Variants in CNTNAP2 observed in about 807,000 individuals in gnomAD.
CNTNAP2 encodes contactin-associated protein-like 2.
CNTNAP2 carries 98 observed loss-of-function variants against 155.2 expected under a neutral mutation model. The observed-to-expected ratio is 0.63, with a 90% CI of 0.54 to 0.75. The LOEUF (loss-of-function observed/expected upper bound fraction) is 0.75. CNTNAP2 is among the 30% of genes least tolerant of loss of function. CNTNAP2 has a pLI of 0.00. For missense variants in CNTNAP2, 1,727 were observed against 1,688.1 expected, an observed-to-expected ratio of 1.02 and a Z score of -0.40; for synonymous variants, 651 against 631.2, an observed-to-expected ratio of 1.03 and a Z score of -0.47.
rs765367717 is a variant in CNTNAP2 at position 148,394,705 on chromosome 7, A to G, written c.3715+10817A>G. ...TGCTTAGAATCACCTGGGGGAAATT[A>G]GCAAATGCAGATTCAGCTGGTCAAA... On this transcript the variant is annotated intron_variant, in intron 22 of 23. Transcript: ENST00000361727. 3.2e-4 allele frequency among the ~76,000 whole-genome samples: 48 copies of G among 152,254 alleles called. 1 individual carries two copies. The highest frequency in any genetic ancestry group is 2.7e-3 in the Admixed American group (42 of 15,286).
chr7:147,747,933 C>T (rs1797071243), intron 13 of CNTNAP2, among the ~76,000 whole-genome samples: 1 of 152,220 alleles, frequency 6.6e-6, no homozygotes, highest in Non-Finnish European at 1.5e-5. Context: ...GCTTATCTTG[C>T]ACTGTGTGAC....
intron 1 of CNTNAP2, among the ~76,000 whole-genome samples, chr7:146,753,274 A>C (rs1382813257): frequency 2.6e-5 from 4 of 152,094 alleles, no homozygotes; most frequent in Non-Finnish European, 4.4e-5. Flanking sequence ...AGGAAAAAAA[A>C]TAGACCAGGT....
At chr7:148,155,491 T>C (rs978323710) in intron 17 of CNTNAP2, among the ~76,000 whole-genome samples, 6 of 152,302 alleles carry the variant, frequency 3.9e-5, no homozygotes, top group Middle Eastern at 3.4e-3. Flanking sequence ...ATAGGGTGTC[T>C]GTGTTTGCTG....
At chr7:147,138,764 A>G (rs1801539504) in intron 8 of CNTNAP2, among the ~76,000 whole-genome samples, 1 of 152,046 alleles carries the variant, frequency 6.6e-6, no homozygotes, top group Non-Finnish European at 1.5e-5. Flanking sequence ...AGTTTCTACA[A>G]TATTTTTGAG....
intron 1 of CNTNAP2, among the ~76,000 whole-genome samples, chr7:146,633,758 A>T (rs1242308250): frequency 7.0e-6 from 1 of 143,596 alleles, no homozygotes; most frequent in African/African-American, 2.6e-5. Flanking sequence ...TGAACCCGGG[A>T]GACGGAGTCT....
intron 3 of CNTNAP2, among the ~76,000 whole-genome samples, chr7:146,840,669 T>C (rs11984177): frequency 0.043 from 6,556 of 152,200 alleles, 462 homozygotes; most frequent in African/African-American, 0.15. Flanking sequence ...AGGAAAGGGT[T>C]CACTTTTAAA....
At chr7:146,711,503 C>T (rs989249474) in intron 1 of CNTNAP2, among the ~76,000 whole-genome samples, 14 of 148,498 alleles carry the variant, frequency 9.4e-5, no homozygotes, top group African/African-American at 2.9e-4. Context: ...TCCACTGTTA[C>T]CATGTGCCTG....
chr7:147,355,354 C>T (rs529118199), intron 9 of CNTNAP2, among the ~76,000 whole-genome samples: 4 of 151,912 alleles, frequency 2.6e-5, no homozygotes, highest in South Asian at 4.2e-4. Flanking sequence ...CATCTAGAAT[C>T]GGTATCCTAA....
chr7:147,716,255 A>G (rs993571636), intron 13 of CNTNAP2, among the ~76,000 whole-genome samples: 2 of 152,150 alleles, frequency 1.3e-5, no homozygotes, highest in Admixed American at 1.3e-4. Context: ...GATATCGAGG[A>G]TGCAGACACA....
intron 3 of CNTNAP2, among the ~76,000 whole-genome samples, chr7:147,041,405 A>G (rs780057994): frequency 3.3e-5 from 5 of 152,198 alleles, no homozygotes; most frequent in Non-Finnish European, 5.9e-5. Context: ...GAGGCTACCC[A>G]TACAAAGCAA....
At chr7:148,210,853 C>T (rs1022441033) in intron 18 of CNTNAP2, among the ~76,000 whole-genome samples, 7 of 152,222 alleles carry the variant, frequency 4.6e-5, no homozygotes, top group African/African-American at 1.7e-4. Context: ...ATAAAAAATT[C>T]AGCAAGGAAA....
chr7:147,365,383 G>GAAAAAAAAAAAAAAAAAAAAAA (rs10557373), intron 9 of CNTNAP2, among the ~76,000 whole-genome samples: 1 of 93,652 alleles, frequency 1.1e-5, no homozygotes, highest in Non-Finnish European at 2.0e-5. Flanking sequence ...ATCTCAAAAA[G>GAAAAAAAAAAAAAAAAAAAAAA]AAAAAAAAAA....
intron 1 of CNTNAP2, among the ~76,000 whole-genome samples, chr7:146,307,505 A>T (rs568325202): frequency 6.6e-6 from 1 of 152,210 alleles, no homozygotes; most frequent in Non-Finnish European, 1.5e-5. Flanking sequence ...GAACCAAAAA[A>T]GAGTCAGCAT....
intron 1 of CNTNAP2, among the ~76,000 whole-genome samples, chr7:146,273,224 A>C (rs1191100970): frequency 2.0e-5 from 3 of 152,070 alleles, no homozygotes; most frequent in Non-Finnish European, 2.9e-5. Context: ...CAAAAAAAAA[A>C]AACAACAAAA....
At chr7:148,335,628 T>C (rs567930045) in intron 21 of CNTNAP2, among the ~76,000 whole-genome samples, 1 of 152,306 alleles carries the variant, frequency 6.6e-6, no homozygotes, top group Admixed American at 6.5e-5. Flanking sequence ...AGAACTGAAA[T>C]GTGATGGCTG....
At chr7:148,386,023 G>T (rs1799186289) in intron 22 of CNTNAP2, among the ~76,000 whole-genome samples, 1 of 152,020 alleles carries the variant, frequency 6.6e-6, no homozygotes, top group African/African-American at 2.4e-5. Flanking sequence ...AGGATTACAG[G>T]ATTCTTTTGA....
intron 1 of CNTNAP2, among the ~76,000 whole-genome samples, chr7:146,726,736 T>C (rs1407145450): frequency 6.6e-6 from 1 of 152,114 alleles, no homozygotes; most frequent in Non-Finnish European, 1.5e-5. Flanking sequence ...TAAAGAGTAG[T>C]CTTGGATTGT....
intron 3 of CNTNAP2, among the ~76,000 whole-genome samples, chr7:146,952,034 A>G (rs1320545163): frequency 6.6e-6 from 1 of 152,136 alleles, no homozygotes. Flanking sequence ...TCCTCAATAA[A>G]ATACTGGCAA....
chr7:147,007,525 T>C (rs567074736), intron 3 of CNTNAP2, among the ~76,000 whole-genome samples: 4 of 152,268 alleles, frequency 2.6e-5, no homozygotes, highest in African/African-American at 9.6e-5. Flanking sequence ...AGTTATATTA[T>C]TGAATTTCAT....
Sources: gnomAD v4.1 joint callset for allele counts (sites outside exome capture counted in the v4.1 genomes callset) on GRCh38, gnomAD v4.1.1 for gene constraint, MANE v1.5 for transcripts, NCBI Gene and HGNC (gene_info 2026-07-23, HGNC 2026-07-21) for gene names.